EPB41L3: variants seen among roughly 807,000 people sequenced by gnomAD.
EPB41L3 encodes the protein band 4.1-like protein 3.
A neutral mutation model predicts 127.1 loss-of-function variants in EPB41L3; 57 were observed. That is an observed-to-expected ratio of 0.45 (90% CI 0.36 to 0.56). The LOEUF is 0.56. Among genes scored for constraint, EPB41L3 ranks in the 20% least tolerant of loss-of-function variants. EPB41L3 has a pLI of 0.00. For synonymous variants in EPB41L3, 572 were observed against 549.5 expected (o/e 1.04, Z -0.57); for missense variants, 1,273 against 1,372.2 (o/e 0.93, Z 1.14).
intron 1 of EPB41L3, among the ~76,000 whole-genome samples, chr18:5,532,852 T>A (rs977099499): frequency 6.6e-6 from 1 of 151,992 alleles, no homozygotes; most frequent in African/African-American, 2.4e-5. Context: ...AATAAAATGC[T>A]TTACAGTTCT....
intron 8 of EPB41L3, among the ~76,000 whole-genome samples, chr18:5,432,071 G>A (rs1157186888): frequency 2.0e-5 from 3 of 152,160 alleles, no homozygotes; most frequent in Non-Finnish European, 4.4e-5. Flanking sequence ...AGCTCATCCT[G>A]CATGACGTGC....
intron 9 of EPB41L3, among the ~76,000 whole-genome samples, chr18:5,425,442 C>T (rs1232518118): frequency 6.6e-6 from 1 of 152,120 alleles, no homozygotes; most frequent in Non-Finnish European, 1.5e-5. Flanking sequence ...GTGACTAAAT[C>T]ATCATCCATT....
intron 3 of EPB41L3, among the ~76,000 whole-genome samples, chr18:5,588,307 A>C (rs1476262879): frequency 2.6e-5 from 4 of 152,092 alleles, no homozygotes; most frequent in African/African-American, 9.7e-5. Flanking sequence ...ATGAATAGGA[A>C]TTTTTTAAAC....
At chr18:5,510,449 G>A (rs78033417) in intron 1 of EPB41L3, among the ~76,000 whole-genome samples, 5,148 of 152,242 alleles carry the variant, frequency 0.034, 133 homozygotes, top group East Asian at 0.097. Flanking sequence ...AAAAACAAAC[G>A]TGTAGGAGAC....
intron 3 of EPB41L3, among the ~76,000 whole-genome samples, chr18:5,550,601 C>T (rs1230022690): frequency 6.6e-6 from 1 of 152,146 alleles, no homozygotes; most frequent in Non-Finnish European, 1.5e-5. Context: ...GTTTTATAAA[C>T]AGTGAGTTTC....
At chr18:5,480,093 AC>A (rs1255760277) in intron 2 of EPB41L3, 1 of 152,242 alleles carries the variant, frequency 6.6e-6, no homozygotes, top group Non-Finnish European at 1.5e-5. Flanking sequence ...TTTCTATGTA[AC>A]AGGGAAGATA....
At chr18:5,458,884 T>A (rs2083507665) in intron 3 of EPB41L3, among the ~76,000 whole-genome samples, 1 of 152,210 alleles carries the variant, frequency 6.6e-6, no homozygotes, top group Non-Finnish European at 1.5e-5. Context: ...AGCTTAAATG[T>A]CCTATGAGTG....
At chr18:5,572,067 C>T (rs1053757413) in intron 3 of EPB41L3, among the ~76,000 whole-genome samples, 6 of 152,146 alleles carry the variant, frequency 3.9e-5, no homozygotes, top group East Asian at 1.9e-4. Context: ...CAGAGTCAGA[C>T]GACAGTCTCA....
chr18:5,403,699 A>T (rs1241877002), intron 16 of EPB41L3, among the ~76,000 whole-genome samples: 1 of 151,906 alleles, frequency 6.6e-6, no homozygotes, highest in Non-Finnish European at 1.5e-5. Flanking sequence ...CTACTTTATT[A>T]GAGATGTCAA....
intron 3 of EPB41L3, among the ~76,000 whole-genome samples, chr18:5,447,584 G>C (rs2081671851): frequency 6.6e-6 from 1 of 151,014 alleles, no homozygotes; most frequent in South Asian, 2.1e-4. Context: ...TCTCTACAAG[G>C]CTTCACTGGA....
Position 5,566,726 on chromosome 18 carries a change from T to A in EPB41L3, c.-306+45614A>T, listed in dbSNP as rs558081897. Among the ~76,000 whole-genome samples, 114 of 57,258 alleles carry A rather than the reference T, an allele frequency of 2.0e-3. 3 individuals are homozygous for A. The highest frequency in any genetic ancestry group is 0.012 in the Admixed American group (61 of 5,112). The allele number at this position is 57,258 out of a possible 152,430, so 37.6% of individuals were successfully genotyped here. The stretch of plus-strand genomic sequence containing the variant: ...ACCTTTCTTTTCTTTTCTATTCCAT[T>A]CTATTCTATTCTATTCTATTCTATT... On this transcript the variant is annotated intron_variant, in intron 3 of 21. Transcript: ENST00000545076.
At chr18:5,487,342 GGGA>G (rs2089920493) in intron 2 of EPB41L3, among the ~76,000 whole-genome samples, 1 of 151,690 alleles carries the variant, frequency 6.6e-6, no homozygotes, top group African/African-American at 2.4e-5. Context: ...GAGGATGGTA[GGGA>G]GGAGGAGTGA....
intron 1 of EPB41L3, among the ~76,000 whole-genome samples, chr18:5,623,518 T>C (rs954295631): frequency 3.3e-5 from 5 of 152,152 alleles, no homozygotes; most frequent in Non-Finnish European, 5.9e-5. Context: ...TGAAGGCTAT[T>C]GTATATTCAA....
At chr18:5,580,993 G>A (rs1167044844) in intron 3 of EPB41L3, among the ~76,000 whole-genome samples, 3 of 152,130 alleles carry the variant, frequency 2.0e-5, no homozygotes, top group African/African-American at 4.8e-5. Context: ...CTCAGTTTCT[G>A]CCTCTCTGGA....
intron 3 of EPB41L3, among the ~76,000 whole-genome samples, chr18:5,603,655 G>A (rs1178412327): frequency 6.6e-6 from 1 of 152,138 alleles, no homozygotes; most frequent in Non-Finnish European, 1.5e-5. Flanking sequence ...GGCCAAGGCA[G>A]GAGGATCACT....
At chr18:5,576,869 C>T (rs936443731) in intron 3 of EPB41L3, among the ~76,000 whole-genome samples, 8 of 152,212 alleles carry the variant, frequency 5.3e-5, no homozygotes, top group South Asian at 2.1e-4. Context: ...CATAAGTACA[C>T]GGCATTCTTG....
intron 15 of EPB41L3, 175 bp from the exon 16 acceptor site, chr18:5,407,143 T>A: frequency 1.7e-6 from 1 of 604,090 alleles, no homozygotes; most frequent in Non-Finnish European, 2.9e-6. Context: ...GATTTTCCCA[T>A]GGAAAGGAAA....
At chr18:5,539,506 T>C (rs1000446329) in intron 1 of EPB41L3, 1 of 152,214 alleles carries the variant, frequency 6.6e-6, no homozygotes, top group African/African-American at 2.4e-5. Context: ...TCAACTTGTC[T>C]TCTTGTGCCA....
intron 1 of EPB41L3, among the ~76,000 whole-genome samples, chr18:5,516,097 G>A (rs2092739704): frequency 6.6e-6 from 1 of 152,140 alleles, no homozygotes; most frequent in Non-Finnish European, 1.5e-5. Flanking sequence ...ACCAACAAAA[G>A]CCCAGGTGCC....
Sources: gnomAD v4.1 joint callset for allele counts (sites outside exome capture counted in the v4.1 genomes callset) on GRCh38, gnomAD v4.1.1 for gene constraint, MANE v1.5 for transcripts, NCBI Gene and HGNC (gene_info 2026-07-23, HGNC 2026-07-21) for gene names.